The following SEMA3E variants were observed in gnomAD, a reference collection of about 807,000 sequenced individuals.
SEMA3E encodes the protein semaphorin-3E.
Under a neutral mutation model 93.6 loss-of-function variants are expected in SEMA3E, and 49 were observed. The observed-to-expected ratio is 0.52, with a 90% CI of 0.42 to 0.66. The LOEUF is 0.66. Ranked by LOEUF, SEMA3E falls within the 30% of genes least tolerant of loss-of-function variation. SEMA3E has a pLI of 0.00. For missense variants in SEMA3E, 906 were observed against 964.8 expected, an observed-to-expected ratio of 0.94 and a Z score of 0.81; for synonymous variants, 363 against 330.7, an observed-to-expected ratio of 1.10 and a Z score of -1.06.
intron 1 of SEMA3E, among the ~76,000 whole-genome samples, chr7:83,563,797 TA>T (rs1366161005): frequency 1.3e-5 from 2 of 152,204 alleles, no homozygotes. Flanking sequence ...TTCCTTTCTC[TA>T]AACTTAGACT....
At position 83,421,468 on chromosome 7, in the gene SEMA3E, TA is replaced by T. The variant is rs1476609801; in HGVS notation, c.457-2986del. Among the ~76,000 whole-genome samples, 4 of 142,078 alleles carry T rather than the reference TA, an allele frequency of 2.8e-5. 1 individual carries two copies. The highest frequency in any genetic ancestry group is 1.0e-4 in the African/African-American group (4 of 39,794). 93.2% of individuals were successfully genotyped at this position (142,078 alleles called of 152,430 possible). A position where few individuals can be genotyped will look rare whatever the true frequency, so the allele number is the denominator to read the frequency against. ...TTTTGTATAATTAATCTCCATTAAG[TA>T]TACTACAAGTGGTGTGGGTAAAAAA... On this transcript the variant is annotated intron_variant, in intron 4 of 16. Coordinates refer to ENST00000643230, the MANE Select transcript of SEMA3E (RefSeq NM_012431.3).
intron 1 of SEMA3E, among the ~76,000 whole-genome samples, chr7:83,497,927 T>C (rs1790520263): frequency 6.6e-6 from 1 of 152,172 alleles, no homozygotes; most frequent in South Asian, 2.1e-4. Context: ...TAATATAATT[T>C]ATAATTTTCA....
chr7:83,573,547 G>A (rs1251022282), intron 1 of SEMA3E, among the ~76,000 whole-genome samples: 1 of 152,014 alleles, frequency 6.6e-6, no homozygotes, highest in African/African-American at 2.4e-5. Flanking sequence ...AAATTATCTG[G>A]TCAGTTATAA....
At chr7:83,394,186 T>C (rs889090492) in intron 13 of SEMA3E, 111 bp downstream of exon 13, 11 of 1,146,236 alleles carry the variant, frequency 9.6e-6, no homozygotes, top group African/African-American at 9.4e-5. Flanking sequence ...AAAATAAAAC[T>C]GTAATAAGTT....
intron 4 of SEMA3E, among the ~76,000 whole-genome samples, chr7:83,425,289 C>A (rs371483582): frequency 1.3e-5 from 2 of 152,096 alleles, no homozygotes; most frequent in Non-Finnish European, 2.9e-5. Context: ...ATAAACAAAG[C>A]CCCAAACTAT....
At chr7:83,495,590 G>T (rs1472980298) in intron 1 of SEMA3E, among the ~76,000 whole-genome samples, 2 of 151,662 alleles carry the variant, frequency 1.3e-5, no homozygotes, top group South Asian at 2.1e-4. Flanking sequence ...CATATAGCAC[G>T]TATGGAAACA....
At chr7:83,461,496 C>A (rs1468957292) in intron 4 of SEMA3E, among the ~76,000 whole-genome samples, 2 of 152,160 alleles carry the variant, frequency 1.3e-5, no homozygotes, top group Non-Finnish European at 2.9e-5. Context: ...ACAATTTACT[C>A]TTAAAAAGGT....
In SEMA3E at chr7:83,440,095, T is replaced by C. The variant is rs532613229; in HGVS notation, c.457-21612A>G. Among the ~76,000 whole-genome samples, 6 of 152,356 alleles carry C rather than the reference T, an allele frequency of 3.9e-5. No individual in the cohort carries two copies. In the East Asian group the frequency reaches 9.6e-4, roughly 24 times the overall value. On this transcript the variant is annotated intron_variant, in intron 4 of 16. Coordinates refer to ENST00000643230, the MANE Select transcript of SEMA3E (RefSeq NM_012431.3). ...CAAAATGTTTTTTTTCTAAATATTT[T>C]CCTTTATTGCTTCATCACAAATATT...
chr7:83,378,656 G>A (rs971512369), intron 16 of SEMA3E, among the ~76,000 whole-genome samples: 3 of 151,722 alleles, frequency 2.0e-5, no homozygotes. Context: ...ATTGTTCAAA[G>A]AATATTGTTT....
At chr7:83,464,086 C>G (rs1221125063) in intron 4 of SEMA3E, among the ~76,000 whole-genome samples, 3 of 152,050 alleles carry the variant, frequency 2.0e-5, no homozygotes, top group African/African-American at 7.2e-5. Flanking sequence ...CTTTATTAGT[C>G]AAATCAGCCA....
chr7:83,383,786 G>A (rs1163755601), intron 16 of SEMA3E, among the ~76,000 whole-genome samples: 1 of 151,942 alleles, frequency 6.6e-6, no homozygotes, highest in African/African-American at 2.4e-5. Context: ...TTCCAAATTA[G>A]AAACAGAACA....
At chr7:83,539,864 T>TGTGTGTGTGC (rs775136679) in intron 1 of SEMA3E, among the ~76,000 whole-genome samples, 1 of 136,976 alleles carries the variant, frequency 7.3e-6, no homozygotes, top group South Asian at 2.6e-4. Context: ...TCTGTGTGTG[T>TGTGTGTGTGC]GTGTGTGTGT....
intron 1 of SEMA3E, among the ~76,000 whole-genome samples, chr7:83,555,556 T>G (rs946425099): frequency 1.3e-5 from 2 of 152,164 alleles, no homozygotes; most frequent in African/African-American, 4.8e-5. Flanking sequence ...GTATTTTCCA[T>G]GTCTACAATG....
intron 1 of SEMA3E, among the ~76,000 whole-genome samples, chr7:83,534,059 T>C (rs911719450): frequency 2.0e-5 from 3 of 152,206 alleles, no homozygotes; most frequent in Admixed American, 6.5e-5. Flanking sequence ...CCAATTCTAT[T>C]TAATTTGGAG....
chr7:83,521,586 C>T (rs1180097521), intron 1 of SEMA3E, among the ~76,000 whole-genome samples: 1 of 152,098 alleles, frequency 6.6e-6, no homozygotes, highest in African/African-American at 2.4e-5. Flanking sequence ...GTGGCTAAAA[C>T]AACAGAAATG....
intron 1 of SEMA3E, among the ~76,000 whole-genome samples, chr7:83,615,190 G>A (rs1042922564): frequency 4.6e-5 from 7 of 152,034 alleles, no homozygotes; most frequent in Non-Finnish European, 1.0e-4. Context: ...GGTTTCTGGG[G>A]CAACTTTATA....
At chr7:83,409,908 T>C (rs1339508559) in intron 5 of SEMA3E, among the ~76,000 whole-genome samples, 1 of 151,620 alleles carries the variant, frequency 6.6e-6, no homozygotes, top group East Asian at 1.9e-4. Flanking sequence ...TTAAATTATA[T>C]ATAAGACAAA....
intron 16 of SEMA3E, among the ~76,000 whole-genome samples, chr7:83,374,733 A>G (rs1357501549): frequency 6.6e-6 from 1 of 152,188 alleles, no homozygotes; most frequent in African/African-American, 2.4e-5. Context: ...TCAATATGTT[A>G]TATACCTGTT....
At chr7:83,385,554 CAA>C in intron 15 of SEMA3E, 121 bp from the exon 16 acceptor site, 1 of 1,081,016 alleles carries the variant, frequency 9.3e-7, no homozygotes, top group East Asian at 2.4e-5. Context: ...CTTATTTCTG[CAA>C]AAGGTAATTT....
Sources: allele counts gnomAD v4.1 joint callset (sites outside exome capture counted in the v4.1 genomes callset), GRCh38; gene constraint gnomAD v4.1.1; transcripts MANE v1.5; gene names NCBI Gene and HGNC (gene_info 2026-07-23, HGNC 2026-07-21).